The following GNAS-AS1 variants were observed in gnomAD, a reference collection of about 807,000 sequenced individuals.
GNAS-AS1 encodes GNAS antisense RNA 1, also known as GNAS antisense RNA 1 (non-protein coding).
intron 4 of GNAS-AS1, chr20:58,838,778 G>A (rs769835741): frequency 2.1e-5 from 8 of 383,840 alleles, no homozygotes; most frequent in African/African-American, 8.3e-5. Context: ...TTAGCCGAGC[G>A]TAGTGGTGCA....
At chr20:58,822,054 C>T (rs1449348687) in intron 4 of GNAS-AS1, among the ~76,000 whole-genome samples, 1 of 152,186 alleles carries the variant, frequency 6.6e-6, no homozygotes, top group Non-Finnish European at 1.5e-5. Flanking sequence ...GGTAACTGCC[C>T]TAGCCATTTT....
chr20:58,830,298 C>CCATCACCACCACCACCACACCATCAT (rs2085549119), intron 4 of GNAS-AS1, among the ~76,000 whole-genome samples: 1 of 145,808 alleles, frequency 6.9e-6, no homozygotes, highest in African/African-American at 2.5e-5. Context: ...ATCACCACCA[C>CCATCACCACCACCACCACACCATCAT]CATCACCACC....
At chr20:58,831,567 C>A (rs899617611) in intron 4 of GNAS-AS1, among the ~76,000 whole-genome samples, 1 of 152,000 alleles carries the variant, frequency 6.6e-6, no homozygotes, top group Non-Finnish European at 1.5e-5. Context: ...GGAGGTGGAG[C>A]TTGCAGTGAG....
intron 4 of GNAS-AS1, among the ~76,000 whole-genome samples, chr20:58,830,635 CCA>C (rs2085562222): frequency 1.6e-5 from 2 of 127,922 alleles, no homozygotes; most frequent in African/African-American, 5.9e-5. Context: ...ACCACCACCG[CCA>C]CACCACCACA....
Position 58,841,566 on chromosome 20 carries a change from C to T in GNAS-AS1, n.819+371G>A, listed in dbSNP as rs2085729507. 1.0e-6 allele frequency: 1 copy of T among 1,001,084 alleles called. No homozygotes were observed. The highest frequency in any genetic ancestry group is 1.2e-6 in the Non-Finnish European group (1 of 840,920). 62.0% of individuals were successfully genotyped at this position (1,001,084 alleles called of 1,614,324 possible). ...CAGCCTTGGCCGCCACAGCCCGCCT[C>T]CCGTCGCTCGCGGGACAGAGACCGC... On this transcript the variant is annotated intron_variant and non_coding_transcript_variant, in intron 4 of 4. Transcript: ENST00000424094. The surrounding 1 kb of genome is among the most constrained non-coding windows in gnomAD (Gnocchi z 5.0).
At chr20:58,850,021 CT>C (rs2086093666) in intron 1 of GNAS-AS1, among the ~76,000 whole-genome samples, 1 of 152,204 alleles carries the variant, frequency 6.6e-6, no homozygotes, top group Admixed American at 6.5e-5. Context: ...TTTTCTCCCC[CT>C]GCTCCCCAAG....
At position 58,840,478 on chromosome 20, in the gene GNAS-AS1, C is replaced by A; in HGVS notation, n.819+1459G>T. 2 of 1,613,588 alleles carry A rather than the reference C, an allele frequency of 1.2e-6. No homozygotes were observed. Among genetic ancestry groups the A allele is most frequent in the East Asian group, 4.5e-5 (2 of 44,858 alleles). ...AGTCCGAAATCGAGTCCGAGACCGA[C>A]TTCGAGACCGAGCCTGAGACCGCCC... On this transcript the variant is annotated intron_variant and non_coding_transcript_variant, in intron 4 of 4. Coordinates refer to ENST00000424094, the Ensembl canonical transcript of GNAS-AS1. This position sits in a 1 kb window ranked among gnomAD's most constrained non-coding sequence, Gnocchi z 6.0.
intron 2 of GNAS-AS1, chr20:58,848,857 T>G: frequency 5.0e-6 from 2 of 398,582 alleles, no homozygotes; most frequent in East Asian, 7.1e-5. Context: ...TTACTGATGT[T>G]TCAGCTCTTA....
chr20:58,835,477 A>G (rs1299046248), intron 4 of GNAS-AS1, among the ~76,000 whole-genome samples: 2 of 152,212 alleles, frequency 1.3e-5, no homozygotes, highest in African/African-American at 4.8e-5. Flanking sequence ...ATTGAAAGCA[A>G]TTCTCATGGG....
exon 5 of GNAS-AS1, chr20:58,819,218 C>G: frequency 2.5e-6 from 1 of 398,650 alleles, no homozygotes. Context: ...GGCACAGCTG[C>G]AGAAGGTTCC....
chr20:58,846,143 C>A (rs1285133643), intron 2 of GNAS-AS1, among the ~76,000 whole-genome samples: 4 of 151,726 alleles, frequency 2.6e-5, no homozygotes, highest in Non-Finnish European at 5.9e-5. Flanking sequence ...GATAAGAGAA[C>A]CCCTGGGAAG....
chr20:58,835,891 A>C (rs918583424), intron 4 of GNAS-AS1, among the ~76,000 whole-genome samples: 5 of 152,054 alleles, frequency 3.3e-5, no homozygotes, highest in African/African-American at 1.2e-4. Context: ...TTGCTTCAAC[A>C]AGTGATGAGT....
chr20:58,831,443 G>A (rs1260659035), intron 4 of GNAS-AS1, among the ~76,000 whole-genome samples: 1 of 152,176 alleles, frequency 6.6e-6, no homozygotes, highest in Non-Finnish European at 1.5e-5. Flanking sequence ...TTGGGAGGCC[G>A]AGGCGGGCAG....
intron 1 of GNAS-AS1, among the ~76,000 whole-genome samples, chr20:58,850,112 A>G (rs2086098633): frequency 6.6e-6 from 1 of 152,158 alleles, no homozygotes; most frequent in South Asian, 2.1e-4. Context: ...CGTGGTGGGC[A>G]AACCGTCTCC....
rs575623277 is a variant in GNAS-AS1 at position 58,841,970 on chromosome 20, C to G, written n.786G>C. The G allele has an allele frequency of 2.1e-5, 23 of 1,084,688 alleles. No individual in the cohort carries two copies. The East Asian group carries it at 7.4e-4, about 35-fold the overall frequency. The allele number at this position is 1,084,688 out of a possible 1,614,324, so 67.2% of individuals were successfully genotyped here. ...TCCAAAGAGCGCGGTACGCGCAGAG[C>G]TGGGGAAAGGTGTTGGATCCGGCGC... On this transcript the variant is annotated non_coding_transcript_exon_variant, in exon 4 of 5. Coordinates refer to ENST00000424094, the Ensembl canonical transcript of GNAS-AS1. The surrounding 1 kb of genome is among the most constrained non-coding windows in gnomAD (Gnocchi z 5.0).
At chr20:58,825,528 TG>T (rs940885088) in intron 4 of GNAS-AS1, among the ~76,000 whole-genome samples, 41 of 152,196 alleles carry the variant, frequency 2.7e-4, no homozygotes, top group African/African-American at 8.7e-4. Context: ...CAATAGCAGT[TG>T]TATAATTTTC....
intron 4 of GNAS-AS1, chr20:58,839,432 T>C: frequency 2.5e-6 from 1 of 400,218 alleles, no homozygotes. Context: ...GCTGTGTTTA[T>C]TTCCCCAATA....
intron 2 of GNAS-AS1, among the ~76,000 whole-genome samples, chr20:58,843,763 G>T (rs555763097): frequency 3.3e-5 from 5 of 152,180 alleles, no homozygotes; most frequent in South Asian, 2.1e-4. Flanking sequence ...TTGCTTTTGT[G>T]GGGGAGGGGA....
At chr20:58,849,246 TGCA>T (rs2086056587) in intron 1 of GNAS-AS1, among the ~76,000 whole-genome samples, 1 of 152,130 alleles carries the variant, frequency 6.6e-6, no homozygotes, top group Non-Finnish European at 1.5e-5. Context: ...ATACCACCAG[TGCA>T]GAGGCTAAAA....
Sources: allele counts gnomAD v4.1 joint callset (sites outside exome capture counted in the v4.1 genomes callset), GRCh38; gene constraint gnomAD v4.1.1; non-coding constraint Gnocchi (gnomAD v3.1); transcripts MANE v1.5; gene names NCBI Gene and HGNC (gene_info 2026-07-23, HGNC 2026-07-21).